Variants in NINL observed in about 807,000 individuals in gnomAD.
The protein encoded by NINL is ninein-like protein.
Under a neutral mutation model 160.3 loss-of-function variants are expected in NINL, and 153 were observed. The ratio of observed to expected loss-of-function variants is 0.95; its 90% CI spans 0.84 to 1.09. The LOEUF (loss-of-function observed/expected upper bound fraction) is 1.09, where lower values mean the gene tolerates loss of function less well. NINL is among the 50% of genes least tolerant of loss of function. NINL has a pLI of 0.00. For missense variants in NINL, 1,829 were observed against 1,764.0 expected (o/e 1.04, Z -0.66); for synonymous variants, 800 against 734.8 (o/e 1.09, Z -1.43).
chr20:25,508,457 C>A (rs966707963), intron 5 of NINL, among the ~76,000 whole-genome samples: 4 of 152,254 alleles, frequency 2.6e-5, no homozygotes, highest in Admixed American at 6.5e-5. Flanking sequence ...GCCTGGCCTG[C>A]AGCCCAGCCC....
chr20:25,570,999 C>A (rs1213572280), intron 1 of NINL, among the ~76,000 whole-genome samples: 3 of 151,982 alleles, frequency 2.0e-5, no homozygotes, highest in African/African-American at 7.3e-5. Context: ...CCAGCCAAAT[C>A]CTGGGCAAGT....
chr20:25,487,420 C>G (rs548630046), intron 13 of NINL, among the ~76,000 whole-genome samples: 1 of 152,268 alleles, frequency 6.6e-6, no homozygotes, highest in South Asian at 2.1e-4. Context: ...TCATCCACTT[C>G]CATGTTATTT....
At chr20:25,584,051 A>G (rs1248795481) in intron 1 of NINL, among the ~76,000 whole-genome samples, 1 of 152,220 alleles carries the variant, frequency 6.6e-6, no homozygotes, top group Non-Finnish European at 1.5e-5. Flanking sequence ...CTTAAAATCT[A>G]GATGACGGGT....
chr20:25,465,354 T>A (rs2146362303), intron 19 of NINL, among the ~76,000 whole-genome samples: 1 of 152,194 alleles, frequency 6.6e-6, no homozygotes, highest in South Asian at 2.1e-4. Context: ...CCATCCCACA[T>A]CCTCTTCTGA....
chr20:25,549,059 ACCCCGGCACCCACGGCCACAC>A (rs2064775412), intron 1 of NINL, among the ~76,000 whole-genome samples: 1 of 133,122 alleles, frequency 7.5e-6, no homozygotes, highest in African/African-American at 3.0e-5. Context: ...CCCAGGCCTG[ACCCCGGCACCCACGGCCACAC>A]CTCCCACACC....
At chr20:25,510,803 G>A (rs756865355) in intron 4 of NINL, 63 bp from the exon 5 acceptor site, 85 of 1,244,244 alleles carry the variant, frequency 6.8e-5, no homozygotes, top group Non-Finnish European at 8.2e-5. Flanking sequence ...ACGGAGCACC[G>A]GGAACAAATA....
intron 1 of NINL, among the ~76,000 whole-genome samples, chr20:25,566,366 C>G (rs2064999932): frequency 6.6e-6 from 1 of 151,744 alleles, no homozygotes; most frequent in African/African-American, 2.4e-5. Context: ...ATAGCCCAAT[C>G]AATACATCAT....
chr20:25,512,988 G>A lies in NINL; in HGVS notation c.296C>T (p.Pro99Leu), dbSNP rs1568931939. The change falls in exon 4 of 24, where the codon CCT becomes CTT. Residue 99 changes from proline (P) to leucine (L), a missense_variant. Transcript: ENST00000278886. ...CTTAGAACCATTCACATACTTTGGAGGGATGGCACTGGAGGCAGCTGGAAA... is the reference window on the plus strand; with the variant it reads ...CTTAGAACCATTCACATACTTTGGAAGGATGGCACTGGAGGCAGCTGGAAA... ...SLESAASSAI[P>L]PKYVNGSKWY... 3.1e-6 allele frequency: 5 copies of A among 1,602,190 alleles called. No homozygotes were observed. Among genetic ancestry groups the A allele is most frequent in the South Asian group, 1.1e-5 (1 of 90,366 alleles).
chr20:25,468,319 G>A lies in NINL; in HGVS notation c.3354-861C>T, dbSNP rs1428081028. ...GACTCTCACTGATGGGTGGCCCCCC[G>A]TCTGGTCCCCCAACTCTCACTGGTG... On this transcript the variant is annotated intron_variant, in intron 18 of 23. Transcript: ENST00000278886. 3.6e-5 allele frequency among the ~76,000 whole-genome samples: 5 copies of A among 140,834 alleles called. No homozygotes were observed. The East Asian group carries it at 8.3e-4, about 23-fold the overall frequency. 92.4% of individuals were successfully genotyped at this position (140,834 alleles called of 152,430 possible). A position where few individuals can be genotyped will look rare whatever the true frequency, so the allele number is the denominator to read the frequency against.
chr20:25,509,917 A>G (rs1372472545), intron 5 of NINL, among the ~76,000 whole-genome samples: 1 of 152,194 alleles, frequency 6.6e-6, no homozygotes, highest in Non-Finnish European at 1.5e-5. Flanking sequence ...CCCCAGGGGG[A>G]TCCACTGGGA....
At chr20:25,518,694 AACTG>A (rs1400674747) in intron 2 of NINL, among the ~76,000 whole-genome samples, 2 of 152,176 alleles carry the variant, frequency 1.3e-5, no homozygotes, top group African/African-American at 4.8e-5. Context: ...ACTGGATTTA[AACTG>A]ACTATTTCGC....
intron 23 of NINL, 37 bp downstream of exon 23, chr20:25,455,636 G>T: frequency 6.9e-7 from 1 of 1,452,926 alleles, no homozygotes; most frequent in Non-Finnish European, 9.7e-7. Flanking sequence ...GTTCAGAAGA[G>T]GACGTGAACA....
At chr20:25,564,708 C>G (rs1171549390) in intron 1 of NINL, among the ~76,000 whole-genome samples, 7 of 152,000 alleles carry the variant, frequency 4.6e-5, no homozygotes, top group Admixed American at 4.6e-4. Flanking sequence ...CTGCCTCAGC[C>G]TCCCAAAGTG....
chr20:25,475,280 C>T (rs760787662), intron 17 of NINL, among the ~76,000 whole-genome samples: 4 of 151,932 alleles, frequency 2.6e-5, no homozygotes, highest in Non-Finnish European at 4.4e-5. Flanking sequence ...ACAAAAAAAC[C>T]TCCTAACAAA....
intron 1 of NINL, among the ~76,000 whole-genome samples, chr20:25,579,504 T>C (rs572825632): frequency 6.6e-6 from 1 of 152,304 alleles, no homozygotes; most frequent in South Asian, 2.1e-4. Flanking sequence ...CGCTACCTTA[T>C]GGTGAGGCTC....
intron 13 of NINL, among the ~76,000 whole-genome samples, chr20:25,485,151 T>G (rs2063482416): frequency 6.6e-6 from 1 of 152,004 alleles, no homozygotes; most frequent in Non-Finnish European, 1.5e-5. Flanking sequence ...AAAGAAACAA[T>G]CTGGCCCTGG....
chr20:25,514,323 T>C (rs2064126584), intron 3 of NINL, among the ~76,000 whole-genome samples: 1 of 152,176 alleles, frequency 6.6e-6, no homozygotes, highest in African/African-American at 2.4e-5. Flanking sequence ...AGAGAAATGA[T>C]TTGGAGTATC....
chr20:25,584,490 CAAG>C (rs1157237035), intron 1 of NINL, among the ~76,000 whole-genome samples: 5 of 152,120 alleles, frequency 3.3e-5, no homozygotes, highest in African/African-American at 4.8e-5. Flanking sequence ...AGAACAACAA[CAAG>C]AAGAACAAAA....
At chr20:25,494,591 G>C (rs2063710518) in intron 10 of NINL, among the ~76,000 whole-genome samples, 1 of 152,244 alleles carries the variant, frequency 6.6e-6, no homozygotes, top group Non-Finnish European at 1.5e-5. Context: ...GAAGGAAAGG[G>C]CACTTGGGAG....
Sources: gnomAD v4.1 joint callset for allele counts (sites outside exome capture counted in the v4.1 genomes callset) on GRCh38, gnomAD v4.1.1 for gene constraint, MANE v1.5 for transcripts, NCBI Gene and HGNC (gene_info 2026-07-23, HGNC 2026-07-21) for gene names.